Variants in TWSG1 observed in about 807,000 individuals in gnomAD.
The protein encoded by TWSG1 is twisted gastrulation BMP signaling modulator 1.
A neutral mutation model predicts 23.0 loss-of-function variants in TWSG1; 15 were observed. The ratio of observed to expected loss-of-function variants is 0.65; its 90% CI spans 0.44 to 1.00. TWSG1 has a LOEUF of 1.00. Among genes scored for constraint, TWSG1 ranks in the 50% least tolerant of loss-of-function variants. The pLI is 0.00. For missense variants in TWSG1, 242 were observed against 278.7 expected, an observed-to-expected ratio of 0.87 and a Z score of 0.94; for synonymous variants, 86 against 92.8, an observed-to-expected ratio of 0.93 and a Z score of 0.42.
intron 2 of TWSG1, among the ~76,000 whole-genome samples, chr18:9,348,496 A>C (rs2040487568): frequency 6.6e-6 from 1 of 152,200 alleles, no homozygotes; most frequent in Admixed American, 6.5e-5. Context: ...TCTGGGGAAA[A>C]GGTCCACAGC....
chr18:9,356,299 C>T (rs897256894), intron 2 of TWSG1, among the ~76,000 whole-genome samples: 1 of 152,144 alleles, frequency 6.6e-6, no homozygotes, highest in African/African-American at 2.4e-5. Flanking sequence ...ATCTTCAGAG[C>T]TAGATAACCT....
chr18:9,385,131 C>G (rs1181602858), intron 3 of TWSG1, among the ~76,000 whole-genome samples: 1 of 152,168 alleles, frequency 6.6e-6, no homozygotes, highest in African/African-American at 2.4e-5. Context: ...GAAGATCTGT[C>G]TGTAGAACAG....
At chr18:9,378,368 A>G (rs1290068824) in intron 3 of TWSG1, among the ~76,000 whole-genome samples, 3 of 152,204 alleles carry the variant, frequency 2.0e-5, no homozygotes, top group African/African-American at 4.8e-5. Flanking sequence ...AGAAAACCCC[A>G]TAGTCTCTGC....
chr18:9,358,466 G>A (rs1186249649), intron 2 of TWSG1, among the ~76,000 whole-genome samples: 1 of 152,114 alleles, frequency 6.6e-6, no homozygotes, highest in African/African-American at 2.4e-5. Context: ...TCAAAACAGA[G>A]CTGCAGACAG....
At chr18:9,387,113 G>A (rs1323834719) in intron 3 of TWSG1, among the ~76,000 whole-genome samples, 3 of 152,188 alleles carry the variant, frequency 2.0e-5, no homozygotes, top group Non-Finnish European at 4.4e-5. Flanking sequence ...AAGCACACAG[G>A]AGGCATGGGA....
In TWSG1 at chr18:9,391,080, G is replaced by A. The variant is rs1458534867; in HGVS notation, c.224-5200G>A. On this transcript the variant is annotated intron_variant, in intron 3 of 4. Transcript: ENST00000262120. ...GCACTGCTTTAACAACTAGGTTTAC[G>A]TAACATTCTAAATCCTTTGTGGTCA... is the stretch of plus-strand genomic sequence containing the variant. 3.9e-5 allele frequency among the ~76,000 whole-genome samples: 6 copies of A among 152,298 alleles called. No homozygotes were observed. In the East Asian group the frequency reaches 5.8e-4, roughly 15 times the overall value.
intron 1 of TWSG1, among the ~76,000 whole-genome samples, chr18:9,335,162 C>G (rs1201247763): frequency 6.6e-6 from 1 of 152,124 alleles, no homozygotes; most frequent in Non-Finnish European, 1.5e-5. Context: ...TGGGCCGGCC[C>G]GCGTCCTCCG....
At chr18:9,396,153 A>C in intron 3 of TWSG1, 127 bp from the exon 4 acceptor site, 8 of 647,742 alleles carry the variant, frequency 1.2e-5, no homozygotes, top group Non-Finnish European at 1.6e-5. Flanking sequence ...CCAGCAAAAA[A>C]AAAAAAAAAA....
chr18:9,345,526 C>G (rs1050679231), intron 2 of TWSG1, among the ~76,000 whole-genome samples: 1 of 152,162 alleles, frequency 6.6e-6, no homozygotes, highest in Non-Finnish European at 1.5e-5. Flanking sequence ...ATTTCTCCCC[C>G]ACTGAGTTAT....
chr18:9,395,232 A>G (rs903835013), intron 3 of TWSG1, among the ~76,000 whole-genome samples: 1 of 152,096 alleles, frequency 6.6e-6, no homozygotes, highest in African/African-American at 2.4e-5. Context: ...ACCACCTCCC[A>G]TCACTGGTGA....
chr18:9,363,828 A>G (rs1292356375), intron 3 of TWSG1, among the ~76,000 whole-genome samples: 2 of 151,974 alleles, frequency 1.3e-5, no homozygotes, highest in African/African-American at 4.8e-5. Context: ...GGGTTTCACC[A>G]TGTTGGCCAG....
intron 2 of TWSG1, among the ~76,000 whole-genome samples, chr18:9,341,304 G>A (rs1365251114): frequency 6.6e-6 from 1 of 152,096 alleles, no homozygotes; most frequent in Admixed American, 6.6e-5. Context: ...TCTAGTTCTA[G>A]GCAGTTTTAA....
At chr18:9,372,156 A>G (rs2145617923) in intron 3 of TWSG1, among the ~76,000 whole-genome samples, 1 of 151,218 alleles carries the variant, frequency 6.6e-6, no homozygotes, top group East Asian at 1.9e-4. Context: ...GTATGTATAT[A>G]TATTATATAT....
intron 3 of TWSG1, among the ~76,000 whole-genome samples, chr18:9,373,851 A>G (rs1334634764): frequency 6.6e-6 from 1 of 152,244 alleles, no homozygotes; most frequent in Non-Finnish European, 1.5e-5. Context: ...AAATCCTACA[A>G]TGTCTGCTCT....
chr18:9,337,574 T>C (rs1049590542), intron 2 of TWSG1, among the ~76,000 whole-genome samples: 1 of 152,216 alleles, frequency 6.6e-6, no homozygotes, highest in Middle Eastern at 3.2e-3. Context: ...CTGAGTATAA[T>C]ATCCTGTTGT....
intron 3 of TWSG1, among the ~76,000 whole-genome samples, chr18:9,361,264 A>G (rs1353277645): frequency 6.6e-6 from 1 of 152,058 alleles, no homozygotes; most frequent in African/African-American, 2.4e-5. Flanking sequence ...TTTAAGGAAC[A>G]TACTGTTCTT....
At chr18:9,355,446 G>A (rs886315550) in intron 2 of TWSG1, among the ~76,000 whole-genome samples, 3 of 151,874 alleles carry the variant, frequency 2.0e-5, no homozygotes, top group Non-Finnish European at 2.9e-5. Context: ...CATCCTAACC[G>A]CAGCTTGCTT....
intron 3 of TWSG1, among the ~76,000 whole-genome samples, chr18:9,374,258 T>C (rs2040618899): frequency 6.6e-6 from 1 of 152,010 alleles, no homozygotes; most frequent in Non-Finnish European, 1.5e-5. Flanking sequence ...GCTGTTTTTT[T>C]CAAACAGTTC....
chr18:9,399,565 A>G lies in TWSG1; in HGVS notation c.*38A>G, dbSNP rs1176188328. On this transcript the variant is annotated 3_prime_UTR_variant, in exon 5 of 5. Transcript: ENST00000262120. ...CAAACCAAAGCAACTTAGTAAAATA[A>G]TAGGTATAAAAAGTTATTCTGTAAG... The G allele has an allele frequency of 5.2e-6, 8 of 1,547,464 alleles. No homozygotes were observed. Among genetic ancestry groups the G allele is most frequent in the Non-Finnish European group, 4.4e-6 (5 of 1,146,740 alleles).
Sources: allele counts gnomAD v4.1 joint callset (sites outside exome capture counted in the v4.1 genomes callset), GRCh38; gene constraint gnomAD v4.1.1; transcripts MANE v1.5; gene names NCBI Gene and HGNC (gene_info 2026-07-23, HGNC 2026-07-21).